Variants in FBLN1 observed in about 807,000 individuals in gnomAD.
FBLN1 encodes fibulin 1.
Under a neutral mutation model 89.7 loss-of-function variants are expected in FBLN1, and 34 were observed. That is an observed-to-expected ratio of 0.38 (90% CI 0.29 to 0.50). The LOEUF (loss-of-function observed/expected upper bound fraction) is 0.50. Among genes scored for constraint, FBLN1 ranks in the 20% least tolerant of loss-of-function variants. The pLI is 0.92. For synonymous variants in FBLN1, 393 were observed against 391.3 expected, an observed-to-expected ratio of 1.00 and a Z score of -0.05; for missense variants, 777 against 988.1, an observed-to-expected ratio of 0.79 and a Z score of 2.86.
In FBLN1 at chr22:45,504,985, T is replaced by C. The variant is rs62225000; in HGVS notation, c.79+1921T>C. On this transcript the variant is annotated intron_variant, in intron 1 of 16. Coordinates refer to ENST00000327858, the MANE Select transcript of FBLN1 (RefSeq NM_006486.3). Reference sequence around the variant, plus strand: ...GCTGTGAGGCCCCCGAAGCCCTGTATGTAAGGCCACAAGTGGCACCGCCCC... The same window carrying C: ...GCTGTGAGGCCCCCGAAGCCCTGTACGTAAGGCCACAAGTGGCACCGCCCC... Among the ~76,000 whole-genome samples, 736 of 152,316 alleles carry C rather than the reference T, an allele frequency of 4.8e-3. 6 individuals are homozygous for C. Among genetic ancestry groups the C allele is most frequent in the Middle Eastern group, 0.014 (4 of 294 alleles).
In FBLN1 at chr22:45,523,436, C is replaced by G. The variant is rs574059939; in HGVS notation, c.186-2107C>G. Among the ~76,000 whole-genome samples, 148 of 152,342 alleles carry G rather than the reference C, an allele frequency of 9.7e-4. 3 individuals are homozygous for G. Among genetic ancestry groups the G allele is most frequent in the Non-Finnish European group, 8.5e-4 (58 of 68,026 alleles). On this transcript the variant is annotated intron_variant, in intron 2 of 16. Transcript: ENST00000327858. ...ATTGCTGTGAGGCCGGGCGCAGTGG[C>G]TCACGCCTATAATCCCACCACTTCG... is the stretch of plus-strand genomic sequence containing the variant.
rs1239202966 is a variant in FBLN1, at chr22:45,535,242, A to G, written c.827A>G (p.Asp276Gly). The G allele has an allele frequency of 1.2e-6, 2 of 1,613,906 alleles. No individual in the cohort carries two copies. Among genetic ancestry groups the G allele is most frequent in the Non-Finnish European group, 1.7e-6 (2 of 1,180,004 alleles). The part of the protein sequence containing the change: ...CESGIHNCLP[D>G]FICQNTLGSF... ...AGTGGTATTCATAACTGCCTCCCCG[A>G]TTTTATCTGTCAGAATACTCTGGGA... Residue 276 changes from aspartate to glycine, a missense_variant, in exon 8 of 17, where the codon GAT becomes GGT. By Grantham distance (94) the Asp-to-Gly change is moderately conservative. Coordinates refer to ENST00000327858, the MANE Select transcript of FBLN1 (RefSeq NM_006486.3).
chr22:45,592,543 G>T (rs1255898630), intron 16 of FBLN1, among the ~76,000 whole-genome samples: 1 of 152,138 alleles, frequency 6.6e-6, no homozygotes, highest in Non-Finnish European at 1.5e-5. Context: ...GGCCAGGCTG[G>T]TCTCGAACTC....
At chr22:45,599,882 A>T (rs1353857993) in intron 16 of FBLN1, among the ~76,000 whole-genome samples, 2 of 152,184 alleles carry the variant, frequency 1.3e-5, no homozygotes, top group African/African-American at 2.4e-5. Context: ...ACGCCATTGC[A>T]CTCCAGCCTG....
Position 45,557,150 on chromosome 22 carries a change from A to G in FBLN1, c.1697+6535A>G, listed in dbSNP as rs1480495746. Among the ~76,000 whole-genome samples the G allele has an allele frequency of 2.6e-5, 4 of 152,310 alleles. No homozygotes were observed. Among genetic ancestry groups the G allele is most frequent in the Non-Finnish European group, 5.9e-5 (4 of 68,032 alleles). The stretch of plus-strand genomic sequence containing the variant: ...GGTAAAACCAGTGAATTCCATGAGC[A>G]TGAGCCCACTGCCACACCTCTTTAG... On this transcript the variant is annotated intron_variant, in intron 14 of 16. Transcript: ENST00000327858. The surrounding 1 kb of genome is among the most constrained non-coding windows in gnomAD (Gnocchi z 4.9).
In FBLN1 at chr22:45,532,212, A is replaced by G. The variant is rs560346937; in HGVS notation, c.545-851A>G. On this transcript the variant is annotated intron_variant, in intron 5 of 16. Transcript: ENST00000327858. This position sits in a 1 kb window ranked among gnomAD's most constrained non-coding sequence, Gnocchi z 4.2. ...GTCCAGGGGCCTGGTGGAGGGAGGA[A>G]GGGAGTGACCTAGAGCCCCAGCAAG... Among the ~76,000 whole-genome samples the G allele has an allele frequency of 6.6e-6, 1 of 152,178 alleles. No homozygotes were observed. Among genetic ancestry groups the G allele is most frequent in the Non-Finnish European group, 1.5e-5 (1 of 67,982 alleles).
chr22:45,546,575 G>A (rs1302836576), intron 11 of FBLN1, among the ~76,000 whole-genome samples: 1 of 152,206 alleles, frequency 6.6e-6, no homozygotes, highest in African/African-American at 2.4e-5. Flanking sequence ...TTGGCCCATA[G>A]ACTATGATTT....
rs1450912298 is a variant in FBLN1 at position 45,537,869 on chromosome 22, G to A, written c.922+2532G>A. ...AAGCCATGGGCTCTCCGGGACCAGC[G>A]GGGAGGATAGTCCTGCTCAGACTTG... On this transcript the variant is annotated intron_variant, in intron 8 of 16. Transcript: ENST00000327858. The surrounding 1 kb of genome is among the most constrained non-coding windows in gnomAD (Gnocchi z 5.7). 3.3e-5 allele frequency among the ~76,000 whole-genome samples: 5 copies of A among 152,222 alleles called. No individual in the cohort carries two copies. The highest frequency in any genetic ancestry group is 2.0e-4 in the Admixed American group (3 of 15,290).
intron 12 of FBLN1, among the ~76,000 whole-genome samples, chr22:45,548,202 A>G (rs2146991195): frequency 6.6e-6 from 1 of 152,258 alleles, no homozygotes; most frequent in Admixed American, 6.5e-5. Context: ...GGCATGCACC[A>G]GTATGCCTGA....
intron 14 of FBLN1, chr22:45,565,186 G>A: frequency 6.5e-7 from 1 of 1,540,540 alleles, no homozygotes; most frequent in South Asian, 1.1e-5. Flanking sequence ...CAGCCCAGGA[G>A]CCTCTCTGAA....
rs2088494385 is a variant in FBLN1, at chr22:45,537,257, T to A, written c.922+1920T>A. ...GCGAAATCTGTATTGATCATTTATT[T>A]GAAATAGTGGTTTGGAGAGAGAGCT... On this transcript the variant is annotated intron_variant, in intron 8 of 16. Coordinates refer to ENST00000327858, the MANE Select transcript of FBLN1 (RefSeq NM_006486.3). The surrounding 1 kb of genome is among the most constrained non-coding windows in gnomAD (Gnocchi z 5.7). Among the ~76,000 whole-genome samples the A allele has an allele frequency of 2.0e-5, 3 of 152,210 alleles. No individual in the cohort carries two copies.
chr22:45,538,726 T>C (rs1036626641), intron 8 of FBLN1, among the ~76,000 whole-genome samples: 2 of 152,124 alleles, frequency 1.3e-5, no homozygotes, highest in Non-Finnish European at 2.9e-5. Flanking sequence ...CTGCCCATGG[T>C]ACCCGCTCCC....
At chr22:45,518,127 CAAAAAAAAAAAAAAA>C (rs1342749839) in intron 1 of FBLN1, among the ~76,000 whole-genome samples, 5 of 122,686 alleles carry the variant, frequency 4.1e-5, no homozygotes, top group African/African-American at 1.5e-4. Context: ...GACTCTGTCT[CAAAAAAAAAAAAAAA>C]GAAAAAAAAA....
At position 45,577,067 on chromosome 22, in the gene FBLN1, CTT is replaced by C. The variant is rs763734568; in HGVS notation, c.1934_1935del (p.Phe645Ter). ...ATCACGGAAGGGAACCTGCGGGACTCTTTTGACATCATCAAGCGTTACATGGA... is the reference window on the plus strand; with the variant it reads ...ATCACGGAAGGGAACCTGCGGGACTCTTGACATCATCAAGCGTTACATGGA... On this transcript the variant is annotated frameshift_variant, in exon 16 of 17. Coordinates refer to ENST00000327858, the MANE Select transcript of FBLN1 (RefSeq NM_006486.3). LOFTEE classifies it high-confidence loss of function. The surrounding 1 kb of genome is among the most constrained non-coding windows in gnomAD (Gnocchi z 6.6). The C allele has an allele frequency of 3.1e-6, 5 of 1,614,170 alleles. No individual in the cohort carries two copies. Among genetic ancestry groups the C allele is most frequent in the South Asian group, 2.2e-5 (2 of 91,082 alleles).
At position 45,537,651 on chromosome 22, in the gene FBLN1, G is replaced by C. The variant is rs539653098; in HGVS notation, c.922+2314G>C. ...AAAAAAAAAGATAAAAAGACAAGTG[G>C]AACAGTGAGCCCTTAGGACAGGGGC... On this transcript the variant is annotated intron_variant, in intron 8 of 16. Transcript: ENST00000327858. The surrounding 1 kb of genome is among the most constrained non-coding windows in gnomAD (Gnocchi z 5.7). Among the ~76,000 whole-genome samples the C allele has an allele frequency of 8.6e-5, 13 of 151,814 alleles. No homozygotes were observed. In the South Asian group the frequency reaches 2.3e-3, roughly 27 times the overall value.
rs1256371248 is a variant in FBLN1 at position 45,533,752 on chromosome 22, C to T, written c.647-9C>T. 3 of 1,610,746 alleles carry T rather than the reference C, an allele frequency of 1.9e-6. No individual in the cohort carries two copies. Among genetic ancestry groups the T allele is most frequent in the Admixed American group, 1.7e-5 (1 of 60,028 alleles). Reference sequence around the variant, plus strand: ...CTGGTCACCCCCGCACTGCCTCGGTCTCTCCTAGATGTCAATGAATGCATC... The same window carrying T: ...CTGGTCACCCCCGCACTGCCTCGGTTTCTCCTAGATGTCAATGAATGCATC... On this transcript the variant is annotated splice_polypyrimidine_tract_variant and intron_variant, in intron 6 of 16. Coordinates refer to ENST00000327858, the MANE Select transcript of FBLN1 (RefSeq NM_006486.3).
At chr22:45,534,865 G>A (rs542225135) in intron 7 of FBLN1, among the ~76,000 whole-genome samples, 63 of 152,302 alleles carry the variant, frequency 4.1e-4, no homozygotes, top group Non-Finnish European at 7.1e-4. Flanking sequence ...TTGCCACTAA[G>A]ATAATTGCTT....
rs1401462202 is a variant in FBLN1 at position 45,588,397 on chromosome 22, G to A, written c.1972+11289G>A. ...GGAAACACCAGGAGTTGTGGCATTG[G>A]GAGTTTCTTCGCTTGACTTTCAATT... On this transcript the variant is annotated intron_variant, in intron 16 of 16. Coordinates refer to ENST00000327858, the MANE Select transcript of FBLN1 (RefSeq NM_006486.3). This position sits in a 1 kb window ranked among gnomAD's most constrained non-coding sequence, Gnocchi z 5.1. Among the ~76,000 whole-genome samples, 1 of 152,190 alleles carries A rather than the reference G, an allele frequency of 6.6e-6. No individual in the cohort carries two copies. Among genetic ancestry groups the A allele is most frequent in the Non-Finnish European group, 1.5e-5 (1 of 68,022 alleles).
At position 45,563,430 on chromosome 22, in the gene FBLN1, T is replaced by C. The variant is rs948889988; in HGVS notation, c.1698-11081T>C. On this transcript the variant is annotated intron_variant, in intron 14 of 16. Coordinates refer to ENST00000327858, the MANE Select transcript of FBLN1 (RefSeq NM_006486.3). The surrounding 1 kb of genome is among the most constrained non-coding windows in gnomAD (Gnocchi z 5.7). The stretch of plus-strand genomic sequence containing the variant: ...TGCCGCTTGTTACCCGGGGGTGAGC[T>C]GGGCACTGGCCACCGCCTGGTACCC... The C allele has an allele frequency of 3.0e-5, 44 of 1,460,554 alleles. No individual in the cohort carries two copies. The highest frequency in any genetic ancestry group is 3.5e-5 in the Non-Finnish European group (38 of 1,094,310). 90.5% of individuals were successfully genotyped at this position (1,460,554 alleles called of 1,614,324 possible).
Sources: allele counts gnomAD v4.1 joint callset (sites outside exome capture counted in the v4.1 genomes callset), GRCh38; gene constraint gnomAD v4.1.1; non-coding constraint Gnocchi (gnomAD v3.1); transcripts MANE v1.5; gene names NCBI Gene and HGNC (gene_info 2026-07-23, HGNC 2026-07-21).